Variants in LRRC36 observed in about 807,000 individuals in gnomAD.
LRRC36 encodes the protein leucine-rich repeat-containing protein 36.
LRRC36 carries 62 observed loss-of-function variants against 81.1 expected under a neutral mutation model. That is an observed-to-expected ratio of 0.76 (90% CI 0.62 to 0.94). The LOEUF (loss-of-function observed/expected upper bound fraction) is 0.94, where lower values mean the gene tolerates loss of function less well. Among genes scored for constraint, LRRC36 ranks in the 40% least tolerant of loss-of-function variants. The pLI is 0.00. For missense variants in LRRC36, 761 were observed against 881.7 expected, an observed-to-expected ratio of 0.86 and a Z score of 1.73; for synonymous variants, 334 against 348.6, an observed-to-expected ratio of 0.96 and a Z score of 0.47.
intron 1 of LRRC36, among the ~76,000 whole-genome samples, chr16:67,334,290 A>T (rs9936626): frequency 0.045 from 6,781 of 151,596 alleles, 489 homozygotes; most frequent in African/African-American, 0.16. Context: ...AAGTGCTGGG[A>T]TTACAGGCGT....
chr16:67,334,241 G>C (rs1323575633), intron 1 of LRRC36, among the ~76,000 whole-genome samples: 1 of 151,532 alleles, frequency 6.6e-6, no homozygotes, highest in Non-Finnish European at 1.5e-5. Context: ...CCATGGTCTC[G>C]ATCTCCTGAC....
intron 9 of LRRC36, among the ~76,000 whole-genome samples, chr16:67,373,392 C>A (rs2142142238): frequency 6.6e-6 from 1 of 151,644 alleles, no homozygotes; most frequent in African/African-American, 2.4e-5. Context: ...CCAAGAAGAG[C>A]ATTTTTTACA....
chr16:67,357,294 GA>G (rs1183998284), intron 5 of LRRC36, among the ~76,000 whole-genome samples: 1 of 152,002 alleles, frequency 6.6e-6, no homozygotes, highest in African/African-American at 2.4e-5. Context: ...TTCATGATGG[GA>G]AAAAAACCAC....
chr16:67,385,153 C>A lies in LRRC36; in HGVS notation c.*64C>A. ...CAGAGGCTCTCACCGCCATTGCCAC[C>A]AGTATGGTGGTATGTACTCACAAAG... On this transcript the variant is annotated 3_prime_UTR_variant, in exon 14 of 14. Transcript: ENST00000329956. The A allele has an allele frequency of 8.1e-7, 1 of 1,232,336 alleles. No individual in the cohort carries two copies. Among genetic ancestry groups the A allele is most frequent in the South Asian group, 1.2e-5 (1 of 80,276 alleles). The allele number at this position is 1,232,336 out of a possible 1,614,324, so 76.3% of individuals were successfully genotyped here.
At chr16:67,365,271 T>A (rs373068075) in intron 6 of LRRC36, 33 bp from the exon 7 acceptor site, 910 of 1,525,892 alleles carry the variant, frequency 6.0e-4, no homozygotes, top group Non-Finnish European at 8.0e-4. Flanking sequence ...GCGCATGGAC[T>A]TCCTTCTACC....
At position 67,347,478 on chromosome 16, in the gene LRRC36, A is replaced by G; in HGVS notation, c.392-17A>G. ...CCAAAAAAAGAAACATGCTCAGACC[A>G]CGGTTTTTGCCTCCAGATGACCGAA... is the stretch of plus-strand genomic sequence containing the variant. On this transcript the variant is annotated splice_polypyrimidine_tract_variant and intron_variant, in intron 3 of 13. Coordinates refer to ENST00000329956, the MANE Select transcript of LRRC36 (RefSeq NM_018296.6). 1 of 1,612,612 alleles carries G rather than the reference A, an allele frequency of 6.2e-7. No individual in the cohort carries two copies. Among genetic ancestry groups the G allele is most frequent in the Non-Finnish European group, 8.5e-7 (1 of 1,178,894 alleles).
chr16:67,337,598 G>C (rs2142600331), intron 1 of LRRC36, among the ~76,000 whole-genome samples: 1 of 151,734 alleles, frequency 6.6e-6, no homozygotes, highest in South Asian at 2.1e-4. Context: ...GGCCTCAGGT[G>C]ATCTGCCCAC....
chr16:67,341,310 A>ACTATATATAGT (rs2038071279), intron 1 of LRRC36, among the ~76,000 whole-genome samples: 3 of 145,976 alleles, frequency 2.1e-5, no homozygotes, highest in African/African-American at 7.5e-5. Flanking sequence ...TAGACTATAG[A>ACTATATATAGT]CTATAGACTA....
At chr16:67,384,721 T>G in intron 13 of LRRC36, 149 bp from the exon 14 acceptor site, 1 of 618,980 alleles carries the variant, frequency 1.6e-6, no homozygotes, top group Admixed American at 2.9e-5. Context: ...TAAGTCTGCT[T>G]TTAAAATAAC....
chr16:67,366,792 A>G (rs1345536644), intron 7 of LRRC36, among the ~76,000 whole-genome samples: 1 of 151,884 alleles, frequency 6.6e-6, no homozygotes, highest in Non-Finnish European at 1.5e-5. Flanking sequence ...AATGTTATAG[A>G]TTCTTTACTG....
rs1317947682 is a variant in LRRC36 at position 67,329,095 on chromosome 16, G to C, written c.70+2163G>C. The stretch of plus-strand genomic sequence containing the variant: ...CGGCTAATTTTGTATTTTCAGTAGT[G>C]ACAGGGTTTTGCCATGTTGGCCAAG... On this transcript the variant is annotated intron_variant, in intron 1 of 13. Transcript: ENST00000329956. Among the ~76,000 whole-genome samples the C allele has an allele frequency of 3.3e-5, 5 of 152,006 alleles. No homozygotes were observed. The South Asian group carries it at 1.0e-3, about 32-fold the overall frequency.
rs1295315054 is a variant in LRRC36, at chr16:67,375,252, C to A, written c.1500C>A (p.Leu500=). 2 of 1,610,768 alleles carry A rather than the reference C, an allele frequency of 1.2e-6. No homozygotes were observed. The highest frequency in any genetic ancestry group is 1.7e-6 in the Non-Finnish European group (2 of 1,179,544). Residue 500 remains leucine, a synonymous_variant, in exon 10 of 14, where the codon CTC becomes CTA. Transcript: ENST00000329956. ...GCTTTTTTTTTTCTCTTGAGCCTCT[C>A]TCTAGTGACCTGGGTAGTTTGCACG... ...GFQDATGSEP[L]SSDLGSLHGL... is the part of the protein sequence containing the mutation.
intron 5 of LRRC36, among the ~76,000 whole-genome samples, chr16:67,350,762 G>C (rs1567478584): frequency 6.6e-6 from 1 of 152,152 alleles, no homozygotes; most frequent in Non-Finnish European, 1.5e-5. Flanking sequence ...TGCCAGGCTG[G>C]GCACAGTGGC....
chr16:67,370,900 G>A, intron 8 of LRRC36, 44 bp from the exon 9 acceptor site: 1 of 1,542,332 alleles, frequency 6.5e-7, no homozygotes, highest in South Asian at 1.2e-5. Flanking sequence ...GAGACATGAG[G>A]CAGTCAGAGG....
chr16:67,354,231 C>T (rs1246795420), intron 5 of LRRC36, among the ~76,000 whole-genome samples: 1 of 152,018 alleles, frequency 6.6e-6, no homozygotes, highest in African/African-American at 2.4e-5. Flanking sequence ...TACTCAAATC[C>T]TACCCTTCTT....
In LRRC36 at chr16:67,367,384, T is replaced by C; in HGVS notation, c.1122T>C (p.His374=). 6.2e-7 allele frequency: 1 copy of C among 1,614,176 alleles called. No individual in the cohort carries two copies. The highest frequency in any genetic ancestry group is 8.5e-7 in the Non-Finnish European group (1 of 1,179,986). The change falls in exon 8 of 14, where the codon CAT becomes CAC. Residue 374 remains histidine (H), a synonymous_variant. Coordinates refer to ENST00000329956, the MANE Select transcript of LRRC36 (RefSeq NM_018296.6). ...PSNDIKTTAS[H]SCGDLLTSLS... is the part of the protein sequence containing the mutation. Reference sequence around the variant, plus strand: ...ATGACATAAAGACCACCGCTTCACATTCCTGTGGAGACTTATTAACTTCTC... The same window carrying C: ...ATGACATAAAGACCACCGCTTCACACTCCTGTGGAGACTTATTAACTTCTC...
At chr16:67,340,302 C>A (rs1476239239) in intron 1 of LRRC36, among the ~76,000 whole-genome samples, 1 of 152,076 alleles carries the variant, frequency 6.6e-6, no homozygotes, top group African/African-American at 2.4e-5. Flanking sequence ...TTTGGCCTAC[C>A]ACCCTTGCCA....
intron 5 of LRRC36, among the ~76,000 whole-genome samples, chr16:67,363,194 T>C (rs1489991728): frequency 6.6e-6 from 1 of 152,162 alleles, no homozygotes; most frequent in Non-Finnish European, 1.5e-5. Context: ...ATGCCAGGAG[T>C]CTATTCCCAG....
At chr16:67,344,635 C>T (rs943463716) in intron 2 of LRRC36, among the ~76,000 whole-genome samples, 5 of 152,012 alleles carry the variant, frequency 3.3e-5, no homozygotes, top group Admixed American at 3.3e-4. Flanking sequence ...GGCCATTAGA[C>T]CATGAAAGAC....
Sources: allele counts gnomAD v4.1 joint callset (sites outside exome capture counted in the v4.1 genomes callset), GRCh38; gene constraint gnomAD v4.1.1; transcripts MANE v1.5; gene names NCBI Gene and HGNC (gene_info 2026-07-23, HGNC 2026-07-21).